The following DIP2C variants were observed in gnomAD, a reference collection of about 807,000 sequenced individuals.
DIP2C encodes disco-interacting protein 2 homolog C.
In DIP2C, 33 loss-of-function variants were observed where a neutral mutation model predicts 192.4. The observed-to-expected ratio is 0.17, with a 90% CI of 0.13 to 0.23. The LOEUF (loss-of-function observed/expected upper bound fraction) is 0.23, where lower values mean the gene tolerates loss of function less well. Among genes scored for constraint, DIP2C ranks in the 10% least tolerant of loss-of-function variants. The pLI, the probability that DIP2C is intolerant of heterozygous loss-of-function variation, is 1.00. For missense variants in DIP2C, 1,537 were observed against 2,110.1 expected (o/e 0.73, Z 5.32); for synonymous variants, 979 against 864.1 (o/e 1.13, Z -2.33).
intron 1 of DIP2C, among the ~76,000 whole-genome samples, chr10:544,593 C>T (rs1441888192): frequency 6.6e-6 from 1 of 152,182 alleles, no homozygotes; most frequent in Non-Finnish European, 1.5e-5. Context: ...TCTTCACCAA[C>T]ATGTCACCGT....
chr10:677,207 C>A (rs371992378), intron 1 of DIP2C, among the ~76,000 whole-genome samples: 1 of 152,196 alleles, frequency 6.6e-6, no homozygotes, highest in Non-Finnish European at 1.5e-5. Flanking sequence ...AAATGAATCA[C>A]CACAAAAACT....
intron 31 of DIP2C, among the ~76,000 whole-genome samples, chr10:313,415 C>T (rs576004731): frequency 6.6e-6 from 1 of 152,332 alleles, no homozygotes; most frequent in East Asian, 1.9e-4. Context: ...AGCAGTCAGC[C>T]TTCCATATCT....
At chr10:571,320 C>G (rs551805085) in intron 1 of DIP2C, among the ~76,000 whole-genome samples, 2 of 152,302 alleles carry the variant, frequency 1.3e-5, no homozygotes, top group African/African-American at 2.4e-5. Flanking sequence ...CAGCTCCCCC[C>G]GGCCATCACA....
intron 31 of DIP2C, among the ~76,000 whole-genome samples, chr10:315,219 A>G (rs1326054804): frequency 1.3e-5 from 2 of 152,250 alleles, no homozygotes; most frequent in African/African-American, 2.4e-5. Context: ...TCAGCTGTTC[A>G]TATTTTTAAA....
chr10:641,273 G>C (rs1200228321), intron 1 of DIP2C, among the ~76,000 whole-genome samples: 1 of 152,126 alleles, frequency 6.6e-6, no homozygotes, highest in East Asian at 1.9e-4. Context: ...GGGCAGTTTT[G>C]GGGCCAGCAC....
chr10:325,483 G>T (rs1957235069), intron 31 of DIP2C, among the ~76,000 whole-genome samples: 4 of 152,162 alleles, frequency 2.6e-5, no homozygotes, highest in Admixed American at 2.6e-4. Flanking sequence ...AGAAGCAGCA[G>T]CCTCGCCATG....
chr10:384,186 T>C (rs1962644724), intron 15 of DIP2C, 40 bp from the exon 16 acceptor site: 1 of 1,598,380 alleles, frequency 6.3e-7, no homozygotes, highest in Non-Finnish European at 8.5e-7. Context: ...TGTGCCACCG[T>C]CAGATCGTCC....
Position 363,339 on chromosome 10 carries a change from A to G in DIP2C, c.2478-28T>C. On this transcript the variant is annotated intron_variant, in intron 20 of 36. Transcript: ENST00000280886. This position sits in a 1 kb window ranked among gnomAD's most constrained non-coding sequence, Gnocchi z 5.4. ...GCGGGGACACAGGAGCATGGTGAGC[A>G]CGCGCCGGGGACGCTCATGCAGCCC... The G allele has an allele frequency of 7.5e-6, 12 of 1,600,094 alleles. No homozygotes were observed. The highest frequency in any genetic ancestry group is 9.4e-6 in the Non-Finnish European group (11 of 1,173,414).
At chr10:503,741 C>A (rs1845406516) in intron 1 of DIP2C, among the ~76,000 whole-genome samples, 1 of 152,218 alleles carries the variant, frequency 6.6e-6, no homozygotes, top group Admixed American at 6.5e-5. Flanking sequence ...TATATGCACA[C>A]TGAGGTCTGC....
chr10:542,882 T>C (rs538767153), intron 1 of DIP2C, among the ~76,000 whole-genome samples: 3 of 152,182 alleles, frequency 2.0e-5, no homozygotes, highest in South Asian at 4.2e-4. Context: ...TCTTACGGGA[T>C]TGGGGAGTGG....
intron 32 of DIP2C, among the ~76,000 whole-genome samples, chr10:294,253 C>T (rs1048494159): frequency 3.3e-5 from 5 of 152,110 alleles, no homozygotes; most frequent in African/African-American, 1.2e-4. Flanking sequence ...CAGAGGTGCT[C>T]GATTTCTGAA....
chr10:400,798 A>G (rs1001123035), intron 9 of DIP2C, among the ~76,000 whole-genome samples: 2 of 150,828 alleles, frequency 1.3e-5, no homozygotes, highest in African/African-American at 4.9e-5. Flanking sequence ...TAGCATTAGC[A>G]TTACTCTTCC....
Position 599,307 on chromosome 10 carries a change from G to A in DIP2C, c.85+90187C>T, listed in dbSNP as rs985101267. ...CCATTTAAATACCCGGCAAAAACAC[G>A]TTACAGGAACACACAGGTAAGTGAG... is the stretch of plus-strand genomic sequence containing the variant. On this transcript the variant is annotated intron_variant, in intron 1 of 36. Coordinates refer to ENST00000280886, the MANE Select transcript of DIP2C (RefSeq NM_014974.3). 1.1e-4 allele frequency among the ~76,000 whole-genome samples: 16 copies of A among 152,240 alleles called. No individual in the cohort carries two copies. In the East Asian group the frequency reaches 1.2e-3, roughly 11 times the overall value.
chr10:507,907 G>C (rs1454078255), intron 1 of DIP2C, among the ~76,000 whole-genome samples: 1 of 152,204 alleles, frequency 6.6e-6, no homozygotes, highest in Non-Finnish European at 1.5e-5. Flanking sequence ...AGTTTTAAAA[G>C]ACAGGAGAAG....
At chr10:506,206 G>A (rs921260777) in intron 1 of DIP2C, among the ~76,000 whole-genome samples, 2 of 152,186 alleles carry the variant, frequency 1.3e-5, no homozygotes, top group Non-Finnish European at 2.9e-5. Context: ...GAGATGCCTG[G>A]AGACCACCAG....
intron 14 of DIP2C, among the ~76,000 whole-genome samples, chr10:387,164 CTGAA>C (rs1292825255): frequency 2.0e-5 from 3 of 152,230 alleles, no homozygotes; most frequent in African/African-American, 7.2e-5. Context: ...TTCTAAGATA[CTGAA>C]TGCCAAAAGT....
intron 4 of DIP2C, among the ~76,000 whole-genome samples, chr10:424,095 G>A (rs1204275900): frequency 6.6e-6 from 1 of 152,152 alleles, no homozygotes; most frequent in African/African-American, 2.4e-5. Flanking sequence ...TTCAATTTAA[G>A]AATGACACTC....
rs143587484 is a variant in DIP2C, at chr10:497,213, T to C, written c.86-10683A>G. Among the ~76,000 whole-genome samples the C allele has an allele frequency of 5.6e-3, 856 of 152,334 alleles. 10 individuals are homozygous for C. Among genetic ancestry groups the C allele is most frequent in the African/African-American group, 0.019 (792 of 41,568 alleles). ...TAAATGGTGGGTGTACTGTATTGTT[T>C]AGGGAATAATGAAAAAGTCTACCCA... On this transcript the variant is annotated intron_variant, in intron 1 of 36. Transcript: ENST00000280886.
intron 1 of DIP2C, among the ~76,000 whole-genome samples, chr10:541,164 C>T (rs959502189): frequency 1.3e-5 from 2 of 151,996 alleles, no homozygotes; most frequent in African/African-American, 2.4e-5. Context: ...TGGGCAGGAG[C>T]TGAGAATGTA....
Sources: allele counts gnomAD v4.1 joint callset (sites outside exome capture counted in the v4.1 genomes callset), GRCh38; gene constraint gnomAD v4.1.1; non-coding constraint Gnocchi (gnomAD v3.1); transcripts MANE v1.5; gene names NCBI Gene and HGNC (gene_info 2026-07-23, HGNC 2026-07-21).